Variants in ATP2B4 observed in about 807,000 individuals in gnomAD.
ATP2B4 encodes the protein plasma membrane calcium-transporting ATPase 4.
In ATP2B4, 39 loss-of-function variants were observed where a neutral mutation model predicts 110.3. That is an observed-to-expected ratio of 0.35 (90% CI 0.27 to 0.46). The LOEUF (loss-of-function observed/expected upper bound fraction) is 0.46. Ranked by LOEUF, ATP2B4 falls within the 20% of genes least tolerant of loss-of-function variation. ATP2B4 has a pLI of 1.00. For synonymous variants in ATP2B4, 538 were observed against 571.7 expected (o/e 0.94, Z 0.84); for missense variants, 1,135 against 1,530.9 (o/e 0.74, Z 4.32).
In ATP2B4 at chr1:203,709,050, A is replaced by G. The variant is rs556064884; in HGVS notation, c.1558-251A>G. Among the ~76,000 whole-genome samples the G allele has an allele frequency of 9.2e-4, 140 of 152,216 alleles. 1 individual carries two copies. Among genetic ancestry groups the G allele is most frequent in the African/African-American group, 3.2e-3 (131 of 41,534 alleles). The stretch of plus-strand genomic sequence containing the variant: ...CAGGTACCTGTAGTCCCTGCTACTC[A>G]GGAGGCTGAGGCAGAAGAATCACTT... On this transcript the variant is annotated intron_variant, in intron 10 of 20. Coordinates refer to ENST00000357681, the MANE Select transcript of ATP2B4 (RefSeq NM_001684.5).
intron 2 of ATP2B4, among the ~76,000 whole-genome samples, chr1:203,693,980 C>G (rs1383399033): frequency 6.6e-6 from 1 of 152,096 alleles, no homozygotes; most frequent in East Asian, 1.9e-4. Flanking sequence ...TCCAGTGGCC[C>G]TCTGTGGGGT....
At chr1:203,726,978 A>G (rs1358705548) in intron 19 of ATP2B4, among the ~76,000 whole-genome samples, 1 of 152,004 alleles carries the variant, frequency 6.6e-6, no homozygotes, top group East Asian at 1.9e-4. Flanking sequence ...AGGCAATATC[A>G]CCATCTTCTC....
intron 1 of ATP2B4, among the ~76,000 whole-genome samples, chr1:203,648,817 G>T (rs1389054257): frequency 6.6e-6 from 1 of 152,126 alleles, no homozygotes; most frequent in East Asian, 1.9e-4. Context: ...GATGCTTTGG[G>T]TTTCCATTAT....
At chr1:203,669,994 C>G (rs1006533297) in intron 1 of ATP2B4, among the ~76,000 whole-genome samples, 3 of 152,186 alleles carry the variant, frequency 2.0e-5, no homozygotes, top group Non-Finnish European at 4.4e-5. Context: ...CCCTTTGTCT[C>G]TTTCAACAAT....
intron 15 of ATP2B4, 102 bp from the exon 16 acceptor site, chr1:203,720,447 C>A: frequency 1.7e-6 from 2 of 1,143,256 alleles, no homozygotes; most frequent in Admixed American, 2.8e-5. Flanking sequence ...GACTAGTGTG[C>A]CCTGTAGTAT....
Position 203,708,051 on chromosome 1 carries a change from G to C in ATP2B4, c.1504G>C (p.Asp502His). The change falls in exon 10 of 21, where the codon GAC (aspartate) becomes CAC (histidine). Residue 502 changes from aspartate to histidine, a missense_variant. This residue lies in a region of ATP2B4 where 368 missense variants were observed against 455.9 expected (regional missense o/e 0.81). Transcript: ENST00000357681. The part of the protein sequence containing the change: ...SPDVFLPKVL[D>H]LIVNGISINS... ...TGATGTCTTCCTGCCCAAAGTCCTG[G>C]ACCTCATTGTCAATGGCATTTCTAT... 1 of 1,614,126 alleles carries C rather than the reference G, an allele frequency of 6.2e-7. No individual in the cohort carries two copies. The highest frequency in any genetic ancestry group is 8.5e-7 in the Non-Finnish European group (1 of 1,180,028).
intron 15 of ATP2B4, among the ~76,000 whole-genome samples, chr1:203,715,192 T>C (rs1027188228): frequency 1.3e-5 from 2 of 151,292 alleles, no homozygotes; most frequent in African/African-American, 4.9e-5. Context: ...GGAGAATCAC[T>C]TGAACCCGGG....
intron 20 of ATP2B4, among the ~76,000 whole-genome samples, chr1:203,735,860 T>G (rs893308658): frequency 4.6e-5 from 7 of 152,286 alleles, no homozygotes; most frequent in Admixed American, 3.9e-4. Flanking sequence ...TCAGATATCC[T>G]GATGGTTTGA....
At chr1:203,731,963 G>C (rs1666734034) in intron 20 of ATP2B4, among the ~76,000 whole-genome samples, 1 of 151,552 alleles carries the variant, frequency 6.6e-6, no homozygotes, top group Admixed American at 6.6e-5. Context: ...CGGATCACGA[G>C]GTCAGGAGAT....
At position 203,698,297 on chromosome 1, in the gene ATP2B4, G is replaced by C. The variant is rs1204297823; in HGVS notation, c.334G>C (p.Ala112Pro). ...TGTCACGCTTATCATCCTGGAGATT[G>C]CAGCCATCATCTCCCTGGTCCTGTC... The part of the protein sequence containing the change: ...QDVTLIILEI[A>P]AIISLVLSFY... The change falls in exon 3 of 21, where the codon GCA becomes CCA. Residue 112 changes from alanine to proline, a missense_variant. Transcript: ENST00000357681. 1.2e-6 allele frequency: 2 copies of C among 1,614,126 alleles called. No individual in the cohort carries two copies. The highest frequency in any genetic ancestry group is 1.7e-6 in the Non-Finnish European group (2 of 1,180,030).
chr1:203,712,255 C>T (rs976434438), intron 13 of ATP2B4, 116 bp downstream of exon 13: 6 of 1,206,322 alleles, frequency 5.0e-6, no homozygotes, highest in Admixed American at 5.0e-5. Flanking sequence ...GAAAGCTATT[C>T]GTAGTGAAAC....
chr1:203,693,482 G>T (rs1043942513), intron 2 of ATP2B4, among the ~76,000 whole-genome samples: 16 of 151,878 alleles, frequency 1.1e-4, no homozygotes, highest in African/African-American at 3.9e-4. Context: ...GTAGAAAATG[G>T]CAAAAAAAAG....
chr1:203,700,672 G>A (rs1349844163), intron 5 of ATP2B4, 126 bp from the exon 6 acceptor site: 1 of 1,341,604 alleles, frequency 7.5e-7, no homozygotes, highest in African/African-American at 1.5e-5. Context: ...TTTTCCTACT[G>A]TGCTAAGCAC....
intron 18 of ATP2B4, among the ~76,000 whole-genome samples, chr1:203,723,424 C>A (rs1345973170): frequency 4.5e-4 from 46 of 102,088 alleles, no homozygotes; most frequent in African/African-American, 1.7e-3. Context: ...ACAGATATCT[C>A]TCTCTCTCTC....
intron 1 of ATP2B4, among the ~76,000 whole-genome samples, chr1:203,676,798 C>T (rs1345183494): frequency 7.3e-6 from 1 of 137,054 alleles, no homozygotes; most frequent in Non-Finnish European, 1.6e-5. Flanking sequence ...CCAGTGCTTT[C>T]TGGCTTGGGG....
chr1:203,653,115 T>C (rs2102320975), intron 1 of ATP2B4, among the ~76,000 whole-genome samples: 1 of 152,306 alleles, frequency 6.6e-6, no homozygotes, highest in East Asian at 1.9e-4. Flanking sequence ...ACACAAATGA[T>C]AAAAAAGCAA....
chr1:203,723,372 G>A (rs962474244), intron 18 of ATP2B4, among the ~76,000 whole-genome samples: 2 of 127,138 alleles, frequency 1.6e-5, no homozygotes, highest in Non-Finnish European at 3.2e-5. Context: ...GTGTTATTAC[G>A]CCTGCCATTT....
At chr1:203,692,277 A>G (rs2102374927) in intron 2 of ATP2B4, among the ~76,000 whole-genome samples, 1 of 152,138 alleles carries the variant, frequency 6.6e-6, no homozygotes, top group East Asian at 1.9e-4. Context: ...TCCTGGGCTG[A>G]GGCCATCCTC....
chr1:203,726,327 C>T (rs1045457662), intron 19 of ATP2B4, among the ~76,000 whole-genome samples: 2 of 152,050 alleles, frequency 1.3e-5, no homozygotes, highest in Non-Finnish European at 2.9e-5. Context: ...CTCGGCCTCC[C>T]GAAGTGCTGG....
Sources: gnomAD v4.1 joint callset for allele counts (sites outside exome capture counted in the v4.1 genomes callset) on GRCh38, gnomAD v4.1.1 for gene constraint, gnomAD v4.1.1 regional missense constraint, MANE v1.5 for transcripts, NCBI Gene and HGNC (gene_info 2026-07-23, HGNC 2026-07-21) for gene names.